Variants in PDE1C observed in about 807,000 individuals in gnomAD.
PDE1C encodes phosphodiesterase 1C.
PDE1C carries 62 observed loss-of-function variants against 93.1 expected under a neutral mutation model. The observed-to-expected ratio is 0.67, with a 90% confidence interval of 0.54 to 0.82. The LOEUF is 0.82. Among genes scored for constraint, PDE1C ranks in the 40% least tolerant of loss-of-function variants. The pLI, the probability that PDE1C is intolerant of heterozygous loss-of-function variation, is 0.00. For synonymous variants in PDE1C, 325 were observed against 310.1 expected (o/e 1.05, Z -0.50); for missense variants, 742 against 884.6 (o/e 0.84, Z 2.04).
chr7:31,949,786 T>C (rs776795257), intron 2 of PDE1C, among the ~76,000 whole-genome samples: 2 of 152,186 alleles, frequency 1.3e-5, no homozygotes, highest in Admixed American at 6.5e-5. Flanking sequence ...AAATTAGTTA[T>C]GTAGAGTGCT....
At chr7:32,139,996 C>A (rs1289502349) in intron 3 of PDE1C, among the ~76,000 whole-genome samples, 2 of 152,130 alleles carry the variant, frequency 1.3e-5, no homozygotes, top group African/African-American at 4.8e-5. Flanking sequence ...GCCTCTGAAC[C>A]AACCAATCCT....
chr7:32,384,513 G>A (rs1440511055), intron 1 of PDE1C, among the ~76,000 whole-genome samples: 5 of 152,162 alleles, frequency 3.3e-5, no homozygotes, highest in African/African-American at 1.2e-4. Context: ...GAATATGCCA[G>A]GCAGAAAGAA....
intron 2 of PDE1C, among the ~76,000 whole-genome samples, chr7:31,882,286 G>A (rs1797350558): frequency 6.6e-6 from 1 of 152,164 alleles, no homozygotes; most frequent in Admixed American, 6.5e-5. Flanking sequence ...GGTCAGCCTT[G>A]GCAATGCCAT....
intron 2 of PDE1C, among the ~76,000 whole-genome samples, chr7:31,907,070 G>GGTGTAT (rs1554404871): frequency 6.9e-6 from 1 of 145,206 alleles, no homozygotes; most frequent in Non-Finnish European, 1.5e-5. Flanking sequence ...TGATATGTGG[G>GGTGTAT]GTGTGTGTGT....
At chr7:31,906,726 T>C (rs1242254008) in intron 2 of PDE1C, among the ~76,000 whole-genome samples, 2 of 152,192 alleles carry the variant, frequency 1.3e-5, no homozygotes, top group South Asian at 2.1e-4. Flanking sequence ...TAGAGTATAA[T>C]GCCTTCCATT....
chr7:32,312,842 A>G (rs370712521), intron 1 of PDE1C, among the ~76,000 whole-genome samples: 5 of 152,104 alleles, frequency 3.3e-5, no homozygotes, highest in East Asian at 1.9e-4. Flanking sequence ...ACATAGGCAT[A>G]GGCAAGGACT....
intron 9 of PDE1C, among the ~76,000 whole-genome samples, chr7:31,847,384 T>A (rs930641844): frequency 3.3e-5 from 5 of 152,254 alleles, no homozygotes; most frequent in African/African-American, 1.2e-4. Context: ...GCAACAGAAT[T>A]AAGTGTACAT....
At chr7:31,831,481 C>CACAT (rs1460902532) in intron 11 of PDE1C, among the ~76,000 whole-genome samples, 1 of 124,466 alleles carries the variant, frequency 8.0e-6, no homozygotes, top group East Asian at 2.3e-4. Context: ...TAAAGGCACA[C>CACAT]ACACACACAC....
chr7:32,363,307 A>G (rs1381214374), intron 1 of PDE1C, among the ~76,000 whole-genome samples: 1 of 152,222 alleles, frequency 6.6e-6, no homozygotes, highest in African/African-American at 2.4e-5. Context: ...CATTTTCCAA[A>G]TGAGGAAACA....
At chr7:32,251,773 C>T (rs1809400320) in intron 1 of PDE1C, among the ~76,000 whole-genome samples, 1 of 152,218 alleles carries the variant, frequency 6.6e-6, no homozygotes, top group Non-Finnish European at 1.5e-5. Flanking sequence ...CATGTCTGCC[C>T]TTAAACCTTT....
At chr7:32,228,072 T>G (rs1312889275) in intron 1 of PDE1C, among the ~76,000 whole-genome samples, 1 of 152,252 alleles carries the variant, frequency 6.6e-6, no homozygotes, top group East Asian at 1.9e-4. Context: ...GATTCCTGCC[T>G]CACAGGCATA....
intron 2 of PDE1C, among the ~76,000 whole-genome samples, chr7:31,967,280 C>A (rs1302456087): frequency 6.6e-6 from 1 of 152,192 alleles, no homozygotes; most frequent in Admixed American, 6.5e-5. Context: ...AAGGGGATAT[C>A]ACCACCAATC....
chr7:32,005,477 A>ACC (rs1169044519), intron 2 of PDE1C, among the ~76,000 whole-genome samples: 1 of 144,856 alleles, frequency 6.9e-6, no homozygotes, highest in Non-Finnish European at 1.5e-5. Context: ...AATGGTGTGA[A>ACC]CCCAGGAGGC....
At chr7:32,025,918 G>A (rs879129591) in intron 2 of PDE1C, among the ~76,000 whole-genome samples, 70 of 152,090 alleles carry the variant, frequency 4.6e-4, no homozygotes, top group African/African-American at 1.6e-3. Flanking sequence ...TGCTGGCAGC[G>A]TCTGTTCCTT....
At chr7:31,977,659 C>A (rs1313182214) in intron 2 of PDE1C, among the ~76,000 whole-genome samples, 1 of 152,170 alleles carries the variant, frequency 6.6e-6, no homozygotes, top group Admixed American at 6.6e-5. Flanking sequence ...ACACTTAGTA[C>A]AACCTGATTT....
chr7:32,404,987 G>C (rs1029041377), intron 1 of PDE1C, among the ~76,000 whole-genome samples: 2 of 152,154 alleles, frequency 1.3e-5, no homozygotes, highest in African/African-American at 2.4e-5. Context: ...ATTTTAGATG[G>C]AGTGTTTATT....
chr7:31,847,934 T>C, intron 9 of PDE1C, 34 bp downstream of exon 9: 1 of 1,610,236 alleles, frequency 6.2e-7, no homozygotes, highest in Non-Finnish European at 8.5e-7. Flanking sequence ...GTTCCTTCCC[T>C]GGCCTACAAA....
At chr7:31,681,611 C>G in the PDE1C span, among the ~76,000 whole-genome samples, 5 of 152,162 alleles carry the variant, frequency 3.3e-5, no homozygotes, top group Admixed American at 3.3e-4. Flanking sequence ...GCGTCTGTCT[C>G]TCTCATTTCC....
At chr7:31,619,770 C>A in the PDE1C span, among the ~76,000 whole-genome samples, 2 of 152,100 alleles carry the variant, frequency 1.3e-5, no homozygotes, top group Non-Finnish European at 2.9e-5. Flanking sequence ...TCAGTGGGTG[C>A]AGCGCACCAT....
Sources: allele counts gnomAD v4.1 joint callset (sites outside exome capture counted in the v4.1 genomes callset), GRCh38; gene constraint gnomAD v4.1.1; transcripts MANE v1.5; gene names NCBI Gene and HGNC (gene_info 2026-07-23, HGNC 2026-07-21).